The following HTRA1 variants were observed in gnomAD, a reference collection of about 807,000 sequenced individuals.
HTRA1 encodes HtrA serine peptidase 1, also known as serine protease HTRA1.
Under a neutral mutation model 49.7 loss-of-function variants are expected in HTRA1, and 26 were observed. That is an observed-to-expected ratio of 0.52 (90% CI 0.38 to 0.73). The LOEUF (loss-of-function observed/expected upper bound fraction) is 0.73. Among genes scored for constraint, HTRA1 ranks in the 30% least tolerant of loss-of-function variants. The pLI is 0.00. For missense variants in HTRA1, 561 were observed against 667.2 expected (o/e 0.84, Z 1.75); for synonymous variants, 291 against 286.9 (o/e 1.01, Z -0.14).
chr10:122,507,297 C>A (rs912823015), intron 4 of HTRA1, 73 bp from the exon 5 acceptor site: 2 of 1,250,992 alleles, frequency 1.6e-6, no homozygotes, highest in Non-Finnish European at 2.4e-6. Flanking sequence ...GCTCAGGAAA[C>A]GACCAGGCAG....
chr10:122,471,827 G>A (rs1053588211), intron 1 of HTRA1, among the ~76,000 whole-genome samples: 1 of 152,188 alleles, frequency 6.6e-6, no homozygotes, highest in African/African-American at 2.4e-5. Context: ...AGAGGCCACG[G>A]TCCATGCTCA....
chr10:122,514,451 G>T lies in HTRA1; in HGVS notation c.*92G>T, dbSNP rs957965915. 13 of 1,254,542 alleles carry T rather than the reference G, an allele frequency of 1.0e-5. No individual in the cohort carries two copies. Among genetic ancestry groups the T allele is most frequent in the Non-Finnish European group, 1.5e-5 (13 of 857,746 alleles). The allele number at this position is 1,254,542 out of a possible 1,614,324, so 77.7% of individuals were successfully genotyped here. A position where few individuals can be genotyped will look rare whatever the true frequency, so the allele number is the denominator to read the frequency against. ...TGGGCTGCTGGAATAGGACACTCAA[G>T]ACTTTTGACTGCCATTTTGTTTGTT... On this transcript the variant is annotated 3_prime_UTR_variant, in exon 9 of 9. Transcript: ENST00000368984.
intron 1 of HTRA1, among the ~76,000 whole-genome samples, chr10:122,467,507 C>T (rs1324008633): frequency 1.3e-5 from 2 of 152,184 alleles, no homozygotes; most frequent in Non-Finnish European, 2.9e-5. Flanking sequence ...TGAGCTACTT[C>T]TTTTTCCTAA....
intron 1 of HTRA1, among the ~76,000 whole-genome samples, chr10:122,486,666 G>A (rs532680821): frequency 1.1e-4 from 17 of 152,312 alleles, no homozygotes; most frequent in African/African-American, 4.1e-4. Context: ...TCACAAGAGG[G>A]CTGGGACGTC....
chr10:122,504,183 T>A (rs2097502089), intron 3 of HTRA1, among the ~76,000 whole-genome samples: 1 of 152,066 alleles, frequency 6.6e-6, no homozygotes, highest in Non-Finnish European at 1.5e-5. Context: ...GCCTGGGGGC[T>A]CCCCCGCCCC....
At chr10:122,492,757 A>G (rs1473535353) in intron 3 of HTRA1, among the ~76,000 whole-genome samples, 2 of 152,142 alleles carry the variant, frequency 1.3e-5, no homozygotes, top group Admixed American at 1.3e-4. Context: ...TCACATGTCC[A>G]TCATCGGACA....
Position 122,489,632 on chromosome 10 carries a change from G to A in HTRA1, c.777+6G>A, listed in dbSNP as rs1177224088. On this transcript the variant is annotated splice_donor_region_variant and intron_variant, in intron 3 of 8. Coordinates refer to ENST00000368984, the MANE Select transcript of HTRA1 (RefSeq NM_002775.5). Reference sequence around the variant, plus strand: ...TCATCAAAATTGACCACCAGGTAAGGGTGTTCTCGCCTGCAGAGGTGAGTT... The same window carrying A: ...TCATCAAAATTGACCACCAGGTAAGAGTGTTCTCGCCTGCAGAGGTGAGTT... 1.2e-6 allele frequency: 2 copies of A among 1,612,586 alleles called. No individual in the cohort carries two copies. Among genetic ancestry groups the A allele is most frequent in the African/African-American group, 2.7e-5 (2 of 74,794 alleles).
chr10:122,477,460 A>C (rs1464175648), intron 1 of HTRA1, among the ~76,000 whole-genome samples: 1 of 152,136 alleles, frequency 6.6e-6, no homozygotes, highest in East Asian at 1.9e-4. Flanking sequence ...TGGGGCCCCG[A>C]GGCTGGACCT....
At chr10:122,477,868 C>T (rs569435767) in intron 1 of HTRA1, among the ~76,000 whole-genome samples, 6 of 151,624 alleles carry the variant, frequency 4.0e-5, no homozygotes, top group South Asian at 4.2e-4. Context: ...ATTTTATGCT[C>T]CTGCCTTTGA....
chr10:122,511,072 G>A (rs2097505337), intron 7 of HTRA1, among the ~76,000 whole-genome samples: 1 of 152,184 alleles, frequency 6.6e-6, no homozygotes, highest in South Asian at 2.1e-4. Context: ...GGAACGATAT[G>A]ACCCCTGAGT....
At position 122,506,748 on chromosome 10, in the gene HTRA1, G is replaced by T; in HGVS notation, c.835G>T (p.Val279Leu). Residue 279 changes from valine to leucine, a missense_variant, in exon 4 of 9, where the codon GTG becomes TTG. By Grantham distance (32) the Val-to-Leu change is conservative. Coordinates refer to ENST00000368984, the MANE Select transcript of HTRA1 (RefSeq NM_002775.5). The surrounding 1 kb of genome is among the most constrained non-coding windows in gnomAD (Gnocchi z 5.2). ...RSSELRPGEFVVAIGSPFSLQ... is the reference protein window; with the variant it reads ...RSSELRPGEFLVAIGSPFSLQ... ...CTCAGAGCTGCGGCCGGGAGAGTTC[G>T]TGGTCGCCATCGGAAGCCCGTTTTC... The T allele has an allele frequency of 6.2e-7, 1 of 1,613,710 alleles. No individual in the cohort carries two copies. The highest frequency in any genetic ancestry group is 8.5e-7 in the Non-Finnish European group (1 of 1,180,024).
At chr10:122,478,343 G>A (rs561035339) in intron 1 of HTRA1, among the ~76,000 whole-genome samples, 85 of 151,918 alleles carry the variant, frequency 5.6e-4, no homozygotes, top group South Asian at 4.0e-3. Flanking sequence ...TGCAGGTGGG[G>A]GACTGTATCA....
At chr10:122,472,733 G>C (rs2097486703) in intron 1 of HTRA1, among the ~76,000 whole-genome samples, 1 of 152,092 alleles carries the variant, frequency 6.6e-6, no homozygotes, top group African/African-American at 2.4e-5. Flanking sequence ...GCCACCGTTT[G>C]GTTAACTGTT....
rs369210624 is a variant in HTRA1, at chr10:122,506,822, C to T, written c.909C>T (p.Gly303=). 59 of 1,613,716 alleles carry T rather than the reference C, an allele frequency of 3.7e-5. No individual in the cohort carries two copies. The highest frequency in any genetic ancestry group is 1.5e-4 in the African/African-American group (11 of 74,890). The change falls in exon 4 of 9, where the codon GGC becomes GGT. Residue 303 remains glycine (G), a synonymous_variant. Transcript: ENST00000368984. This position sits in a 1 kb window ranked among gnomAD's most constrained non-coding sequence, Gnocchi z 5.2. ...TTGIVSTTQR[G]GKELGLRNSD... The stretch of plus-strand genomic sequence containing the variant: ...GGATCGTGAGCACCACCCAGCGAGG[C>T]GGCAAAGAGCTGGGGCTCCGCAACT...
intron 1 of HTRA1, among the ~76,000 whole-genome samples, chr10:122,481,221 G>A (rs1054035123): frequency 6.6e-6 from 1 of 152,076 alleles, no homozygotes; most frequent in South Asian, 2.1e-4. Context: ...CCTGCCATAG[G>A]GTGTCCCTGG....
intron 1 of HTRA1, among the ~76,000 whole-genome samples, chr10:122,462,390 C>T (rs2097481892): frequency 6.6e-6 from 1 of 152,254 alleles, no homozygotes. Context: ...CGCCGGGCGA[C>T]CGGCCATGGA....
intron 3 of HTRA1, among the ~76,000 whole-genome samples, chr10:122,500,356 A>G (rs1266495361): frequency 1.3e-5 from 2 of 152,160 alleles, no homozygotes; most frequent in South Asian, 2.1e-4. Flanking sequence ...ACATTTAACT[A>G]TTGTCTGCTA....
At chr10:122,513,761 C>T (rs2097506689) in intron 8 of HTRA1, among the ~76,000 whole-genome samples, 1 of 151,466 alleles carries the variant, frequency 6.6e-6, no homozygotes, top group Non-Finnish European at 1.5e-5. Flanking sequence ...TGGAATCCCA[C>T]TCTGTCACCC....
Position 122,510,166 on chromosome 10 carries a change from G to C in HTRA1, c.1178+13G>C, listed in dbSNP as rs755255441. 6.2e-7 allele frequency: 1 copy of C among 1,610,066 alleles called. No individual in the cohort carries two copies. The highest frequency in any genetic ancestry group is 1.1e-5 in the South Asian group (1 of 90,982). On this transcript the variant is annotated intron_variant, in intron 7 of 8. Transcript: ENST00000368984. ...CACTCACGTCCAGGTGGGTAAACAGGATGCGTGTCTGTGTCTTAAATTTTA... is the reference window on the plus strand; with the variant it reads ...CACTCACGTCCAGGTGGGTAAACAGCATGCGTGTCTGTGTCTTAAATTTTA...
Sources: gnomAD v4.1 joint callset for allele counts (sites outside exome capture counted in the v4.1 genomes callset) on GRCh38, gnomAD v4.1.1 for gene constraint, Gnocchi (gnomAD v3.1) non-coding constraint, MANE v1.5 for transcripts, NCBI Gene and HGNC (gene_info 2026-07-23, HGNC 2026-07-21) for gene names.